ST6GALNAC3: variants seen among roughly 807,000 people sequenced by gnomAD.
The protein encoded by ST6GALNAC3 is ST6 N-acetylgalactosaminide alpha-2,6-sialyltransferase 3.
Under a neutral mutation model 32.7 loss-of-function variants are expected in ST6GALNAC3, and 25 were observed. That is an observed-to-expected ratio of 0.76 (90% CI 0.56 to 1.07). ST6GALNAC3 has a LOEUF of 1.07. Among genes scored for constraint, ST6GALNAC3 ranks in the 50% least tolerant of loss-of-function variants. ST6GALNAC3 has a pLI of 0.00. For synonymous variants in ST6GALNAC3, 129 were observed against 133.1 expected (o/e 0.97, Z 0.21); for missense variants, 355 against 382.4 (o/e 0.93, Z 0.60).
At chr1:76,158,247 T>G (rs116491980) in intron 1 of ST6GALNAC3, among the ~76,000 whole-genome samples, 5 of 152,224 alleles carry the variant, frequency 3.3e-5, no homozygotes, top group Non-Finnish European at 5.9e-5. Context: ...TTTACTTTTT[T>G]TTTCTGTCTT....
chr1:76,106,610 C>G (rs895172678), intron 1 of ST6GALNAC3, among the ~76,000 whole-genome samples: 1 of 152,118 alleles, frequency 6.6e-6, no homozygotes, highest in African/African-American at 2.4e-5. Flanking sequence ...AGTCATGTCA[C>G]TTGGTGGGGT....
chr1:76,167,841 G>A (rs1193783026), intron 1 of ST6GALNAC3, among the ~76,000 whole-genome samples: 1 of 151,848 alleles, frequency 6.6e-6, no homozygotes, highest in Admixed American at 6.6e-5. Context: ...TATTCCCCTT[G>A]CCATTTCTGA....
intron 4 of ST6GALNAC3, 61 bp downstream of exon 4, chr1:76,627,620 C>A: frequency 8.3e-7 from 1 of 1,204,358 alleles, no homozygotes. Flanking sequence ...CAAAATATCA[C>A]AATTCATTTT....
At chr1:76,187,783 G>A (rs539127259) in intron 1 of ST6GALNAC3, among the ~76,000 whole-genome samples, 5 of 152,008 alleles carry the variant, frequency 3.3e-5, no homozygotes, top group South Asian at 2.1e-4. Context: ...TCAGAAAACC[G>A]TGGTGAGCAG....
chr1:76,081,684 G>T (rs1646898501), intron 1 of ST6GALNAC3, among the ~76,000 whole-genome samples: 1 of 152,164 alleles, frequency 6.6e-6, no homozygotes, highest in African/African-American at 2.4e-5. Context: ...GGCAAGTTAT[G>T]TGAACCTATG....
chr1:76,372,932 A>G (rs1440724836), intron 2 of ST6GALNAC3, among the ~76,000 whole-genome samples: 1 of 151,852 alleles, frequency 6.6e-6, no homozygotes, highest in Non-Finnish European at 1.5e-5. Context: ...CTCCTCCTTT[A>G]ATATTTAAAA....
chr1:76,392,461 T>C (rs1385690805), intron 2 of ST6GALNAC3, among the ~76,000 whole-genome samples: 2 of 152,236 alleles, frequency 1.3e-5, no homozygotes, highest in East Asian at 3.8e-4. Context: ...TTAAGATGTA[T>C]TATGTCAGAT....
intron 1 of ST6GALNAC3, among the ~76,000 whole-genome samples, chr1:76,134,575 T>A (rs1437057493): frequency 6.6e-6 from 1 of 152,210 alleles, no homozygotes; most frequent in Non-Finnish European, 1.5e-5. Flanking sequence ...AGTTTTCAGA[T>A]GTCCCTTTTC....
intron 2 of ST6GALNAC3, among the ~76,000 whole-genome samples, chr1:76,357,570 T>G (rs1649584040): frequency 6.6e-6 from 1 of 152,246 alleles, no homozygotes; most frequent in African/African-American, 2.4e-5. Flanking sequence ...TCCTCTTGTA[T>G]GAAAGCTTGA....
chr1:76,512,905 C>T (rs1661955711), intron 3 of ST6GALNAC3, among the ~76,000 whole-genome samples: 1 of 152,072 alleles, frequency 6.6e-6, no homozygotes, highest in Non-Finnish European at 1.5e-5. Flanking sequence ...ATTATTAATG[C>T]TGTCAAGCAT....
At chr1:76,192,432 A>G (rs1380321527) in intron 1 of ST6GALNAC3, among the ~76,000 whole-genome samples, 1 of 152,186 alleles carries the variant, frequency 6.6e-6, no homozygotes, top group Non-Finnish European at 1.5e-5. Context: ...GTTTTTGAAG[A>G]GTCCTGCTCT....
chr1:76,624,270 T>C (rs1648824723), intron 3 of ST6GALNAC3, among the ~76,000 whole-genome samples: 1 of 151,926 alleles, frequency 6.6e-6, no homozygotes, highest in Non-Finnish European at 1.5e-5. Flanking sequence ...GTATCAGAAA[T>C]GTGGTAAAGT....
Position 76,178,388 on chromosome 1 carries a change from T to C in ST6GALNAC3, c.18+103504T>C, listed in dbSNP as rs574200280. Among the ~76,000 whole-genome samples, 5 of 152,346 alleles carry C rather than the reference T, an allele frequency of 3.3e-5. No homozygotes were observed. In the South Asian group the frequency reaches 1.0e-3, roughly 32 times the overall value. Reference sequence around the variant, plus strand: ...AAAATTAGAAAAACTCAGTGGATGATGGACCAACCCAGAGGCCCTAATGGT... The same window carrying C: ...AAAATTAGAAAAACTCAGTGGATGACGGACCAACCCAGAGGCCCTAATGGT... On this transcript the variant is annotated intron_variant, in intron 1 of 4. Transcript: ENST00000328299.
intron 2 of ST6GALNAC3, among the ~76,000 whole-genome samples, chr1:76,409,292 C>T (rs561214450): frequency 2.0e-5 from 3 of 152,118 alleles, no homozygotes; most frequent in African/African-American, 7.2e-5. Flanking sequence ...ATGAACAGTC[C>T]CTTTAATAAC....
chr1:76,362,328 C>G (rs1650028375), intron 2 of ST6GALNAC3, among the ~76,000 whole-genome samples: 1 of 152,116 alleles, frequency 6.6e-6, no homozygotes, highest in African/African-American at 2.4e-5. Context: ...CCACCAGACC[C>G]CATCTGCAAT....
At chr1:76,448,646 G>A (rs2101543320) in intron 3 of ST6GALNAC3, among the ~76,000 whole-genome samples, 1 of 152,250 alleles carries the variant, frequency 6.6e-6, no homozygotes, top group African/African-American at 2.4e-5. Flanking sequence ...CTGTTCTGGT[G>A]ATAGTAAATA....
intron 3 of ST6GALNAC3, among the ~76,000 whole-genome samples, chr1:76,599,717 CGTGTGTGT>C (rs5775354): frequency 0.15 from 20,869 of 141,720 alleles, 1,513 homozygotes; most frequent in Non-Finnish European, 0.16. Context: ...ACTACCGTAT[CGTGTGTGT>C]GTGTGTGTGT....
chr1:76,488,466 TA>T (rs1430601901), intron 3 of ST6GALNAC3, among the ~76,000 whole-genome samples: 3 of 152,152 alleles, frequency 2.0e-5, no homozygotes, highest in Non-Finnish European at 4.4e-5. Flanking sequence ...CAATCTCAGG[TA>T]TTTCTTTACA....
intron 3 of ST6GALNAC3, among the ~76,000 whole-genome samples, chr1:76,451,311 G>T (rs975498717): frequency 6.6e-6 from 1 of 152,162 alleles, no homozygotes; most frequent in Non-Finnish European, 1.5e-5. Context: ...TGAAGGAAGA[G>T]CAAAGGCATG....
Sources: allele counts gnomAD v4.1 joint callset (sites outside exome capture counted in the v4.1 genomes callset), GRCh38; gene constraint gnomAD v4.1.1; transcripts MANE v1.5; gene names NCBI Gene and HGNC (gene_info 2026-07-23, HGNC 2026-07-21).